GUCA1C: variants seen among roughly 807,000 people sequenced by gnomAD.
GUCA1C encodes guanylyl cyclase-activating protein 3.
Under a neutral mutation model 16.2 loss-of-function variants are expected in GUCA1C, and 15 were observed. The observed-to-expected ratio is 0.93, with a 90% confidence interval of 0.62 to 1.43. The LOEUF is 1.43. GUCA1C is among the 40% of genes most tolerant of loss of function. The probability of loss-of-function intolerance (pLI) is 0.00; values close to 1 mark genes in which losing one functional copy is unlikely to be tolerated. For synonymous variants in GUCA1C, 78 were observed against 85.4 expected (o/e 0.91, Z 0.48); for missense variants, 275 against 244.8 (o/e 1.12, Z -0.82).
chr3:108,946,795 G>A (rs1468190306), intron 1 of GUCA1C, among the ~76,000 whole-genome samples: 1 of 145,368 alleles, frequency 6.9e-6, no homozygotes, highest in Non-Finnish European at 1.5e-5. Flanking sequence ...AAGACGATTA[G>A]AGAACTATTA....
At chr3:108,938,035 ACT>A (rs1946746282) in intron 1 of GUCA1C, among the ~76,000 whole-genome samples, 1 of 152,006 alleles carries the variant, frequency 6.6e-6, no homozygotes, top group Admixed American at 6.6e-5. Flanking sequence ...GCACCACTGC[ACT>A]CTGATAGAGC....
chr3:108,954,399 A>G (rs1341571427), upstream of GUCA1C, among the ~76,000 whole-genome samples: 1 of 152,214 alleles, frequency 6.6e-6, no homozygotes, highest in Non-Finnish European at 1.5e-5. Context: ...AGTCAGATAA[A>G]GGAACATATT....
chr3:108,922,608 T>G (rs1038064674), intron 1 of GUCA1C, among the ~76,000 whole-genome samples: 42 of 152,332 alleles, frequency 2.8e-4, no homozygotes, highest in African/African-American at 9.6e-4. Flanking sequence ...TAAACATTTT[T>G]CCATATGCTT....
At chr3:108,919,622 C>T (rs6788013) in intron 2 of GUCA1C, among the ~76,000 whole-genome samples, 2 of 152,052 alleles carry the variant, frequency 1.3e-5, no homozygotes, top group South Asian at 4.1e-4. Flanking sequence ...CTGCTTTGAA[C>T]GTTTGTTGAG....
chr3:108,915,946 T>C, intron 3 of GUCA1C, 181 bp downstream of exon 3: 1 of 642,074 alleles, frequency 1.6e-6, no homozygotes, highest in Non-Finnish European at 2.6e-6. Flanking sequence ...GAAATGAATA[T>C]GATCAATAAA....
chr3:108,954,229 AG>A (rs1946927829), upstream of GUCA1C, among the ~76,000 whole-genome samples: 1 of 152,196 alleles, frequency 6.6e-6, no homozygotes, highest in Non-Finnish European at 1.5e-5. Flanking sequence ...CAGTAATAAA[AG>A]TTTCTGCCTT....
chr3:108,954,735 CT>C (rs35104093), upstream of GUCA1C, among the ~76,000 whole-genome samples: 18,000 of 128,422 alleles, frequency 0.14, 956 homozygotes, highest in Middle Eastern at 0.22. Flanking sequence ...TATAGTTCTC[CT>C]TTTTTTTTTT....
chr3:108,952,057 G>T (rs1294256989), intron 1 of GUCA1C, among the ~76,000 whole-genome samples: 3 of 152,182 alleles, frequency 2.0e-5, no homozygotes, highest in Non-Finnish European at 2.9e-5. Context: ...TGTAAAACTC[G>T]ATAGCTCATT....
intron 1 of GUCA1C, among the ~76,000 whole-genome samples, chr3:108,942,881 T>C (rs916149794): frequency 6.6e-6 from 1 of 152,210 alleles, no homozygotes; most frequent in African/African-American, 2.4e-5. Context: ...TATTTGCAAG[T>C]GCAGTGAGAT....
intron 3 of GUCA1C, among the ~76,000 whole-genome samples, chr3:108,912,644 T>C (rs1245194166): frequency 6.6e-6 from 1 of 151,540 alleles, no homozygotes; most frequent in Non-Finnish European, 1.5e-5. Flanking sequence ...GGTAATTAAC[T>C]CCTGCTAACT....
chr3:108,908,210 C>G lies in GUCA1C; in HGVS notation c.443-1G>C. 6.2e-7 allele frequency: 1 copy of G among 1,604,860 alleles called. No individual in the cohort carries two copies. Among genetic ancestry groups the G allele is most frequent in the Non-Finnish European group, 8.5e-7 (1 of 1,171,978 alleles). On this transcript the variant is annotated splice_acceptor_variant, in intron 3 of 3. Transcript: ENST00000261047. LOFTEE classifies it high-confidence loss of function. ...ATAAATTCTTCTAAAGTCAATTCCC[C>G]TGGAAAATAATAAACAGTTAATAAG...
Position 108,943,710 on chromosome 3 carries a change from G to A in GUCA1C, c.204+9849C>T, listed in dbSNP as rs537912285. ...TAACATTTCTTGAATGCCTGAGTAT[G>A]GAAGCTGAAATTCTTACCAGATACA... On this transcript the variant is annotated intron_variant, in intron 1 of 3. Transcript: ENST00000261047. 3.9e-5 allele frequency among the ~76,000 whole-genome samples: 6 copies of A among 152,182 alleles called. No individual in the cohort carries two copies. In the South Asian group the frequency reaches 8.3e-4, roughly 21 times the overall value.
intron 1 of GUCA1C, among the ~76,000 whole-genome samples, chr3:108,921,462 A>G (rs1399815201): frequency 6.6e-6 from 1 of 152,198 alleles, no homozygotes; most frequent in Non-Finnish European, 1.5e-5. Context: ...GACAAATATC[A>G]GGGGATTTGG....
At chr3:108,935,875 A>G (rs1333321769) in intron 1 of GUCA1C, among the ~76,000 whole-genome samples, 2 of 152,172 alleles carry the variant, frequency 1.3e-5, no homozygotes, top group Non-Finnish European at 2.9e-5. Flanking sequence ...CCAGAAGTGG[A>G]ATATATGGTC....
At chr3:108,939,324 CTT>C (rs549981150) in intron 1 of GUCA1C, among the ~76,000 whole-genome samples, 288 of 32,838 alleles carry the variant, frequency 8.8e-3, no homozygotes, top group African/African-American at 0.028. Context: ...TGCTTCAAGG[CTT>C]TTTTTTTTTT....
rs1434209608 is a variant in GUCA1C, at chr3:108,941,695, G to A, written c.204+11864C>T. On this transcript the variant is annotated intron_variant, in intron 1 of 3. Transcript: ENST00000261047. Reference sequence around the variant, plus strand: ...TATTTGGATAAAACCCAGATGCCTAGGTGTGGCCCTGAGGGCCATTTATTT... The same window carrying A: ...TATTTGGATAAAACCCAGATGCCTAAGTGTGGCCCTGAGGGCCATTTATTT... Among the ~76,000 whole-genome samples, 3 of 152,312 alleles carry A rather than the reference G, an allele frequency of 2.0e-5. No homozygotes were observed. In the East Asian group the frequency reaches 5.8e-4, roughly 29 times the overall value.
intron 1 of GUCA1C, among the ~76,000 whole-genome samples, chr3:108,941,158 G>GT (rs1946782507): frequency 6.6e-6 from 1 of 152,092 alleles, no homozygotes; most frequent in South Asian, 2.1e-4. Context: ...CACATCCACT[G>GT]TAATAATCAT....
At chr3:108,915,000 C>T (rs771758743) in intron 3 of GUCA1C, among the ~76,000 whole-genome samples, 2 of 152,140 alleles carry the variant, frequency 1.3e-5, no homozygotes. Flanking sequence ...AGATCTACAC[C>T]GAGGTGCTTA....
At chr3:108,924,302 C>T (rs1281477573) in intron 1 of GUCA1C, among the ~76,000 whole-genome samples, 1 of 152,056 alleles carries the variant, frequency 6.6e-6, no homozygotes, top group African/African-American at 2.4e-5. Context: ...CTTTTATTAC[C>T]TTAAGGTATG....
Sources: gnomAD v4.1 joint callset for allele counts (sites outside exome capture counted in the v4.1 genomes callset) on GRCh38, gnomAD v4.1.1 for gene constraint, MANE v1.5 for transcripts, NCBI Gene and HGNC (gene_info 2026-07-23, HGNC 2026-07-21) for gene names.